Variants in NASP observed in about 807,000 individuals in gnomAD.
The protein encoded by NASP is NASP histone chaperone.
Under a neutral mutation model 89.5 loss-of-function variants are expected in NASP, and 24 were observed. That is an observed-to-expected ratio of 0.27 (90% CI 0.19 to 0.38). The LOEUF is 0.38. Among genes scored for constraint, NASP ranks in the 10% least tolerant of loss-of-function variants. The pLI is 1.00. For missense variants in NASP, 848 were observed against 921.4 expected (o/e 0.92, Z 1.03); for synonymous variants, 306 against 324.7 (o/e 0.94, Z 0.62).
At position 45,584,185 on chromosome 1, in the gene NASP, G is replaced by A. The variant is rs1644491803; in HGVS notation, c.39G>A (p.Ala13=). Residue 13 remains alanine (A), a synonymous_variant, in exon 1 of 15, where the codon GCG becomes GCA. Transcript: ENST00000350030. ...CCACAGCCACTGCCGCCGTCGCCGC[G>A]GAGCTGGTTTCTGCCGACAAGTAAG... ...MESTATAAVA[A]ELVSADKIED... 3 of 1,595,620 alleles carry A rather than the reference G, an allele frequency of 1.9e-6. No homozygotes were observed. The highest frequency in any genetic ancestry group is 2.6e-6 in the Non-Finnish European group (3 of 1,171,276).
intron 5 of NASP, 166 bp from the exon 6 acceptor site, chr1:45,607,155 G>A: frequency 1.5e-6 from 1 of 685,246 alleles, no homozygotes; most frequent in Non-Finnish European, 2.5e-6. Context: ...CTGCTAGCCG[G>A]GATGCTCCCT....
chr1:45,604,855 T>C lies in NASP; in HGVS notation c.219-81T>C, dbSNP rs1266955754. 2.2e-5 allele frequency: 24 copies of C among 1,079,338 alleles called. 1 individual carries two copies. The highest frequency in any genetic ancestry group is 1.2e-4 in the South Asian group (8 of 69,522). 66.9% of individuals were successfully genotyped at this position (1,079,338 alleles called of 1,614,324 possible). ...CTAGGAGTATGTTACTGGAGAAATA[T>C]CAATTTATAACTGAAGAACTAGAAC... is the stretch of plus-strand genomic sequence containing the variant. On this transcript the variant is annotated intron_variant, in intron 3 of 14. Coordinates refer to ENST00000350030, the MANE Select transcript of NASP (RefSeq NM_002482.4).
At chr1:45,613,044 A>C in intron 6 of NASP, 125 bp from the exon 7 acceptor site, 1 of 1,332,576 alleles carries the variant, frequency 7.5e-7, no homozygotes, top group Non-Finnish European at 9.9e-7. Flanking sequence ...TTCAGGTGTT[A>C]ACTCACTTGG....
chr1:45,592,423 G>A (rs1046436024), intron 2 of NASP, among the ~76,000 whole-genome samples: 1 of 152,198 alleles, frequency 6.6e-6, no homozygotes, highest in Admixed American at 6.5e-5. Context: ...GATTTTATTT[G>A]TTGAGCTTGA....
chr1:45,615,907 A>G (rs771633840), intron 11 of NASP, among the ~76,000 whole-genome samples: 1 of 152,202 alleles, frequency 6.6e-6, no homozygotes, highest in Non-Finnish European at 1.5e-5. Flanking sequence ...AGATTGTTGG[A>G]TTAAGGGATG....
intron 2 of NASP, chr1:45,594,855 G>T (rs1012860276): frequency 4.4e-5 from 15 of 338,422 alleles, no homozygotes; most frequent in African/African-American, 3.0e-4. Context: ...ATGAAGGATG[G>T]TTGGAAAACA....
chr1:45,584,250 G>A, intron 1 of NASP, 45 bp downstream of exon 1: 1 of 1,533,540 alleles, frequency 6.5e-7, no homozygotes. Flanking sequence ...CAGTCCGCGG[G>A]GAGGGCTAAT....
At chr1:45,584,393 T>C (rs1644496298) in intron 1 of NASP, among the ~76,000 whole-genome samples, 188 bp downstream of exon 1, 1 of 152,182 alleles carries the variant, frequency 6.6e-6, no homozygotes, top group South Asian at 2.1e-4. Flanking sequence ...GCAGCAGCGG[T>C]AACGGCGGTC....
At chr1:45,597,503 A>T (rs1033349917) in intron 2 of NASP, among the ~76,000 whole-genome samples, 2 of 152,138 alleles carry the variant, frequency 1.3e-5, no homozygotes, top group Admixed American at 6.6e-5. Context: ...CTCTTCTACT[A>T]ACAGACATTT....
chr1:45,587,687 T>TATATATATATATAA (rs66829841), intron 1 of NASP, among the ~76,000 whole-genome samples: 11,250 of 78,062 alleles, frequency 0.14, 2,224 homozygotes, highest in South Asian at 0.18. Flanking sequence ...TATATATATA[T>TATATATATATATAA]AATTAATTTT....
At chr1:45,599,615 AG>A (rs1353775317) in intron 2 of NASP, among the ~76,000 whole-genome samples, 2 of 150,998 alleles carry the variant, frequency 1.3e-5, no homozygotes, top group Admixed American at 6.6e-5. Flanking sequence ...TTCAGAAGAG[AG>A]GGGGGTTTCA....
intron 2 of NASP, among the ~76,000 whole-genome samples, chr1:45,599,610 AAG>A (rs1643786645): frequency 6.6e-6 from 1 of 151,060 alleles, no homozygotes; most frequent in Non-Finnish European, 1.5e-5. Flanking sequence ...GTATTTTCAG[AAG>A]AGAGGGGGGT....
intron 1 of NASP, among the ~76,000 whole-genome samples, chr1:45,586,476 C>T (rs1358906611): frequency 2.0e-5 from 3 of 152,018 alleles, no homozygotes; most frequent in Non-Finnish European, 4.4e-5. Context: ...TTTGTAAAGA[C>T]GAGTTTTTGC....
At position 45,617,596 on chromosome 1, in the gene NASP, G is replaced by T; in HGVS notation, c.2286+5G>T. 6.3e-7 allele frequency: 1 copy of T among 1,579,158 alleles called. No homozygotes were observed. Reference sequence around the variant, plus strand: ...TCGGAAAACATGGAGGAGGAGGTGGGCAGTTAAGCAGGGCTTAGCCTCTTG... The same window carrying T: ...TCGGAAAACATGGAGGAGGAGGTGGTCAGTTAAGCAGGGCTTAGCCTCTTG... On this transcript the variant is annotated splice_donor_5th_base_variant and intron_variant, in intron 14 of 14. Transcript: ENST00000350030.
At position 45,618,202 on chromosome 1, in the gene NASP, T is replaced by A; in HGVS notation, c.*61T>A. The A allele has an allele frequency of 7.5e-7, 1 of 1,333,354 alleles. No individual in the cohort carries two copies. The highest frequency in any genetic ancestry group is 1.0e-6 in the Non-Finnish European group (1 of 958,588). The allele number at this position is 1,333,354 out of a possible 1,614,324, so 82.6% of individuals were successfully genotyped here. A position where few individuals can be genotyped will look rare whatever the true frequency, so the allele number is the denominator to read the frequency against. On this transcript the variant is annotated 3_prime_UTR_variant, in exon 15 of 15. Coordinates refer to ENST00000350030, the MANE Select transcript of NASP (RefSeq NM_002482.4). ...TTTGTATATAATGTATTTTTTCACTTTTGGAGGATTCTTTTTGTATAACTT... is the reference window on the plus strand; with the variant it reads ...TTTGTATATAATGTATTTTTTCACTATTGGAGGATTCTTTTTGTATAACTT...
chr1:45,612,985 A>C, intron 6 of NASP, 184 bp from the exon 7 acceptor site: 1 of 719,048 alleles, frequency 1.4e-6, no homozygotes, highest in Non-Finnish European at 2.0e-6. Context: ...GCACATTCTT[A>C]GTCTAGGTTA....
At chr1:45,593,402 G>A (rs1054366168) in intron 2 of NASP, among the ~76,000 whole-genome samples, 1 of 151,554 alleles carries the variant, frequency 6.6e-6, no homozygotes, top group Non-Finnish European at 1.5e-5. Context: ...GCGTGGTGGC[G>A]GGCGCCTATA....
At chr1:45,598,782 C>G (rs1643760563) in intron 2 of NASP, among the ~76,000 whole-genome samples, 1 of 152,192 alleles carries the variant, frequency 6.6e-6, no homozygotes, top group South Asian at 2.1e-4. Context: ...TGTTCTAGAA[C>G]TTTTCATCTA....
At chr1:45,599,696 G>C (rs1313287972) in intron 2 of NASP, among the ~76,000 whole-genome samples, 1 of 152,124 alleles carries the variant, frequency 6.6e-6, no homozygotes, top group Non-Finnish European at 1.5e-5. Context: ...CAAAGTGCTG[G>C]GATTACAGGC....
Sources: gnomAD v4.1 joint callset for allele counts (sites outside exome capture counted in the v4.1 genomes callset) on GRCh38, gnomAD v4.1.1 for gene constraint, MANE v1.5 for transcripts, NCBI Gene and HGNC (gene_info 2026-07-23, HGNC 2026-07-21) for gene names.